ACACA: variants seen among roughly 807,000 people sequenced by gnomAD.
The protein encoded by ACACA is acetyl-CoA carboxylase alpha, also known as acetyl-CoA carboxylase 1.
ACACA carries 103 observed loss-of-function variants against 296.1 expected under a neutral mutation model. The ratio of observed to expected loss-of-function variants is 0.35; its 90% confidence interval spans 0.30 to 0.41. The LOEUF (loss-of-function observed/expected upper bound fraction) is 0.41. ACACA is among the 10% of genes least tolerant of loss of function. ACACA has a pLI of 1.00. For missense variants in ACACA, 1,554 were observed against 2,989.7 expected (o/e 0.52, Z 11.20); for synonymous variants, 953 against 1,038.6 (o/e 0.92, Z 1.58).
At chr17:37,246,999 T>C (rs778436882) in intron 18 of ACACA, 23 bp from the exon 19 acceptor site, 5 of 1,613,776 alleles carry the variant, frequency 3.1e-6, no homozygotes, top group East Asian at 2.2e-5. Flanking sequence ...TGGAAGTATG[T>C]AAGCTAAGAA....
intron 1 of ACACA, among the ~76,000 whole-genome samples, chr17:37,354,180 A>AT (rs2049030600): frequency 6.6e-6 from 1 of 152,226 alleles, no homozygotes; most frequent in Non-Finnish European, 1.5e-5. Context: ...CTGCCATGCA[A>AT]TTTCCAGTCC....
chr17:37,247,066 A>G, intron 18 of ACACA, 90 bp from the exon 19 acceptor site: 2 of 1,481,538 alleles, frequency 1.3e-6, no homozygotes, highest in Non-Finnish European at 1.9e-6. Context: ...AAGAAAAAAA[A>G]TCCTGAAAAC....
intron 14 of ACACA, among the ~76,000 whole-genome samples, chr17:37,254,457 TG>T (rs974658475): frequency 1.3e-5 from 2 of 152,200 alleles, no homozygotes; most frequent in Non-Finnish European, 1.5e-5. Context: ...CACTGTCTTC[TG>T]GGATACCTTC....
At chr17:37,333,344 G>A (rs186781243) in intron 2 of ACACA, among the ~76,000 whole-genome samples, 6 of 117,886 alleles carry the variant, frequency 5.1e-5, no homozygotes, top group African/African-American at 1.6e-4. Flanking sequence ...GGTGTCATCA[G>A]AAAGGAAAGG....
At chr17:37,329,123 A>C (rs934390426) in intron 3 of ACACA, 1 of 395,870 alleles carries the variant, frequency 2.5e-6, no homozygotes, top group African/African-American at 2.1e-5. Context: ...GAAAAAGGAG[A>C]GCTCTATTAA....
intron 1 of ACACA, among the ~76,000 whole-genome samples, chr17:37,404,033 A>C (rs2051380987): frequency 6.6e-6 from 1 of 152,164 alleles, no homozygotes; most frequent in South Asian, 2.1e-4. Flanking sequence ...TTGGCCTCCC[A>C]AACTGCTGGG....
intron 39 of ACACA, among the ~76,000 whole-genome samples, chr17:37,181,961 G>A (rs1243792651): frequency 2.8e-5 from 4 of 143,898 alleles, no homozygotes; most frequent in South Asian, 2.2e-4. Context: ...TGCACATTTC[G>A]CATCTCAAAG....
chr17:37,218,758 T>G (rs972068923), intron 29 of ACACA, among the ~76,000 whole-genome samples: 7 of 152,194 alleles, frequency 4.6e-5, no homozygotes, highest in African/African-American at 1.7e-4. Flanking sequence ...TTCTGTAGAA[T>G]GAGAAACAAT....
At chr17:37,269,875 AG>A (rs1226515303) in intron 10 of ACACA, among the ~76,000 whole-genome samples, 1 of 152,170 alleles carries the variant, frequency 6.6e-6, no homozygotes, top group African/African-American at 2.4e-5. Flanking sequence ...GAGTGAAAAG[AG>A]CAGACTTCTG....
chr17:37,137,008 G>A (rs962510009), intron 45 of ACACA, among the ~76,000 whole-genome samples: 2 of 151,894 alleles, frequency 1.3e-5, no homozygotes, highest in Non-Finnish European at 2.9e-5. Context: ...TCAAGCTGTG[G>A]TTTAATCTTC....
chr17:37,334,968 G>GGA (rs1326348420), intron 2 of ACACA, among the ~76,000 whole-genome samples: 1 of 152,088 alleles, frequency 6.6e-6, no homozygotes, highest in Non-Finnish European at 1.5e-5. Flanking sequence ...ATTAATCCCA[G>GGA]TTGTCCTGGA....
chr17:37,256,803 C>T (rs561309730), intron 14 of ACACA, among the ~76,000 whole-genome samples: 4 of 152,004 alleles, frequency 2.6e-5, no homozygotes, highest in African/African-American at 9.6e-5. Flanking sequence ...ATACAAACAA[C>T]CATATATTAG....
At chr17:37,269,042 AATG>A (rs2081948831) in intron 10 of ACACA, among the ~76,000 whole-genome samples, 1 of 136,360 alleles carries the variant, frequency 7.3e-6, no homozygotes, top group African/African-American at 3.0e-5. Flanking sequence ...CAATGAAAAA[AATG>A]TAAAAAAAAA....
intron 29 of ACACA, 86 bp downstream of exon 29, chr17:37,221,638 A>C (rs977127923): frequency 1.7e-6 from 2 of 1,162,216 alleles, no homozygotes; most frequent in Admixed American, 1.7e-5. Flanking sequence ...AACTAAAAAA[A>C]CATGGAATTG....
At chr17:37,267,963 G>T (rs1442397673) in intron 10 of ACACA, among the ~76,000 whole-genome samples, 1 of 152,074 alleles carries the variant, frequency 6.6e-6, no homozygotes, top group Admixed American at 6.5e-5. Context: ...GTTTCATCAT[G>T]TTGGCCAGGC....
chr17:37,150,279 C>A (rs1190383521), intron 44 of ACACA, among the ~76,000 whole-genome samples: 1 of 151,980 alleles, frequency 6.6e-6, no homozygotes, highest in Non-Finnish European at 1.5e-5. Flanking sequence ...AGGCAGCTCA[C>A]ACCTGTAATC....
At chr17:37,267,723 G>A (rs2081853275) in intron 10 of ACACA, among the ~76,000 whole-genome samples, 1 of 150,682 alleles carries the variant, frequency 6.6e-6, no homozygotes, top group East Asian at 1.9e-4. Flanking sequence ...CATCTAATAT[G>A]CTATAATTTT....
intron 1 of ACACA, among the ~76,000 whole-genome samples, chr17:37,374,811 C>T (rs2049937107): frequency 6.6e-6 from 1 of 152,164 alleles, no homozygotes; most frequent in South Asian, 2.1e-4. Flanking sequence ...ATACTCACTT[C>T]ACTATTCAGG....
chr17:37,403,622 C>T (rs1452995971), intron 1 of ACACA, among the ~76,000 whole-genome samples: 2 of 151,976 alleles, frequency 1.3e-5, no homozygotes, highest in Non-Finnish European at 2.9e-5. Context: ...AAGTGATCTG[C>T]CTACCTTGGC....
Sources: allele counts gnomAD v4.1 joint callset (sites outside exome capture counted in the v4.1 genomes callset), GRCh38; gene constraint gnomAD v4.1.1; transcripts MANE v1.5; gene names NCBI Gene and HGNC (gene_info 2026-07-23, HGNC 2026-07-21).